FARP2: variants seen among roughly 807,000 people sequenced by gnomAD.
FARP2 encodes FERM, ARH/RhoGEF and pleckstrin domain protein 2, also known as FERM, ARHGEF and pleckstrin domain-containing protein 2.
FARP2 carries 111 observed loss-of-function variants against 130.5 expected under a neutral mutation model. The ratio of observed to expected loss-of-function variants is 0.85; its 90% CI spans 0.73 to 1.00. The LOEUF (loss-of-function observed/expected upper bound fraction) is 1.00. Among genes scored for constraint, FARP2 ranks in the 50% least tolerant of loss-of-function variants. FARP2 has a pLI of 0.00. For missense variants in FARP2, 1,385 were observed against 1,346.3 expected, an observed-to-expected ratio of 1.03 and a Z score of -0.45; for synonymous variants, 504 against 516.9, an observed-to-expected ratio of 0.98 and a Z score of 0.34.
chr2:241,476,646 G>A (rs572596851), intron 19 of FARP2, among the ~76,000 whole-genome samples: 1 of 152,222 alleles, frequency 6.6e-6, no homozygotes, highest in African/African-American at 2.4e-5. Context: ...CCAAGATCAC[G>A]CCATTGCACT....
At chr2:241,366,108 T>TATATATATATATAC (rs2061303352) in intron 1 of FARP2, among the ~76,000 whole-genome samples, 1 of 34,256 alleles carries the variant, frequency 2.9e-5, no homozygotes, top group South Asian at 8.0e-4. Flanking sequence ...AAAAAAAATA[T>TATATATATATATAC]ATATATATAT....
chr2:241,465,160 CA>C (rs2064136527), intron 17 of FARP2, among the ~76,000 whole-genome samples: 1 of 152,094 alleles, frequency 6.6e-6, no homozygotes, highest in Non-Finnish European at 1.5e-5. Flanking sequence ...ACAGTGTCCC[CA>C]TTTCCATCAG....
At chr2:241,364,948 G>A (rs887678636) in intron 1 of FARP2, among the ~76,000 whole-genome samples, 10 of 152,146 alleles carry the variant, frequency 6.6e-5, no homozygotes, top group African/African-American at 2.4e-4. Context: ...TGGACTGGGA[G>A]CCATGCCGGA....
At chr2:241,484,418 C>T in intron 21 of FARP2, 87 bp downstream of exon 21, 1 of 1,036,502 alleles carries the variant, frequency 9.6e-7, no homozygotes, top group Non-Finnish European at 1.5e-6. Context: ...CGAATCCTTA[C>T]CCAGCAACAC....
chr2:241,398,077 C>T (rs1449114504), intron 2 of FARP2, among the ~76,000 whole-genome samples: 9 of 151,918 alleles, frequency 5.9e-5, no homozygotes, highest in Admixed American at 1.3e-4. Flanking sequence ...GTGATCCGCC[C>T]GCCTCGGCCT....
chr2:241,484,191 T>C, intron 20 of FARP2, 51 bp from the exon 21 acceptor site: 1 of 1,611,990 alleles, frequency 6.2e-7, no homozygotes, highest in Non-Finnish European at 8.5e-7. Context: ...GGTCTGACTA[T>C]TAAGACACTT....
At chr2:241,397,147 A>G (rs564106633) in intron 2 of FARP2, among the ~76,000 whole-genome samples, 34 of 152,272 alleles carry the variant, frequency 2.2e-4, no homozygotes, top group African/African-American at 8.2e-4. Flanking sequence ...GAACACGTGG[A>G]CACAGGAAGG....
At chr2:241,401,000 T>G (rs1169115025) in intron 2 of FARP2, among the ~76,000 whole-genome samples, 1 of 152,198 alleles carries the variant, frequency 6.6e-6, no homozygotes, top group Non-Finnish European at 1.5e-5. Flanking sequence ...AGTAAGTTCT[T>G]ACTGGAGAAG....
chr2:241,404,006 T>G, intron 3 of FARP2, 74 bp downstream of exon 3: 1 of 769,932 alleles, frequency 1.3e-6, no homozygotes, highest in Non-Finnish European at 2.3e-6. Flanking sequence ...TCTTTCATCA[T>G]TGCCACATCA....
At chr2:241,492,711 A>G in intron 24 of FARP2, 1 of 524,780 alleles carries the variant, frequency 1.9e-6, no homozygotes, top group Non-Finnish European at 3.4e-6. Flanking sequence ...AGGGAAAGGG[A>G]ACTCACTTTA....
chr2:241,443,061 G>A, intron 13 of FARP2: 1 of 224,938 alleles, frequency 4.4e-6, no homozygotes, highest in African/African-American at 2.4e-5. Flanking sequence ...GGCCTCCTGT[G>A]TGCTGTGGTC....
intron 19 of FARP2, among the ~76,000 whole-genome samples, chr2:241,481,850 T>C (rs1054179589): frequency 2.6e-5 from 4 of 152,214 alleles, no homozygotes; most frequent in Non-Finnish European, 5.9e-5. Flanking sequence ...CCATGTGGCC[T>C]GGGCAGGCTG....
At chr2:241,488,781 C>T (rs1329564797) in intron 21 of FARP2, 1 of 152,172 alleles carries the variant, frequency 6.6e-6, no homozygotes, top group African/African-American at 2.4e-5. Context: ...TCTCACTGAT[C>T]TCAGACTTTA....
chr2:241,377,333 C>CTTT (rs1258121395), intron 2 of FARP2, among the ~76,000 whole-genome samples: 3 of 129,718 alleles, frequency 2.3e-5, no homozygotes, highest in Non-Finnish European at 4.9e-5. Flanking sequence ...TTGTTGGTTT[C>CTTT]TTTTTTTTTT....
intron 23 of FARP2, 114 bp from the exon 24 acceptor site, chr2:241,491,402 C>G: frequency 8.3e-7 from 1 of 1,209,368 alleles, no homozygotes; most frequent in Non-Finnish European, 1.2e-6. Flanking sequence ...GCTGGCCTAG[C>G]ACCAAGGGCT....
rs563275377 is a variant in FARP2, at chr2:241,441,562, G to A, written c.1411+6G>A. On this transcript the variant is annotated splice_donor_region_variant and intron_variant, in intron 13 of 26. Coordinates refer to ENST00000264042, the MANE Select transcript of FARP2 (RefSeq NM_014808.4). ...CGCACTCCAGCCTGGTCCAGGTGTC[G>A]GGTTTTGTCATGTCGTGAGCAGCTG... 1.9e-5 allele frequency: 31 copies of A among 1,613,998 alleles called. No homozygotes were observed. The highest frequency in any genetic ancestry group is 1.4e-4 in the South Asian group (13 of 91,088).
intron 22 of FARP2, among the ~76,000 whole-genome samples, chr2:241,490,248 C>A (rs905999299): frequency 6.6e-6 from 1 of 152,226 alleles, no homozygotes; most frequent in African/African-American, 2.4e-5. Context: ...GCTTGCCAAC[C>A]TGACAACACC....
chr2:241,483,425 C>A (rs199747321), intron 19 of FARP2, 40 bp from the exon 20 acceptor site: 3 of 1,576,096 alleles, frequency 1.9e-6, no homozygotes, highest in Non-Finnish European at 8.7e-7. Context: ...CGCCAGCTGC[C>A]CTCAGCCCGC....
rs1574750466 is a variant in FARP2, at chr2:241,404,857, G to A, written c.331+16G>A. 1 of 1,596,982 alleles carries A rather than the reference G, an allele frequency of 6.3e-7. No homozygotes were observed. Among genetic ancestry groups the A allele is most frequent in the Non-Finnish European group, 8.6e-7 (1 of 1,164,854 alleles). On this transcript the variant is annotated intron_variant, in intron 4 of 26. Coordinates refer to ENST00000264042, the MANE Select transcript of FARP2 (RefSeq NM_014808.4). ...CAAATACGAAGTAAGTCCTTGGTTT[G>A]ACTCTTTAAAATCTGTTTGTTTAAG...
Sources: allele counts gnomAD v4.1 joint callset (sites outside exome capture counted in the v4.1 genomes callset), GRCh38; gene constraint gnomAD v4.1.1; transcripts MANE v1.5; gene names NCBI Gene and HGNC (gene_info 2026-07-23, HGNC 2026-07-21).